Variants in PRKACA observed in about 807,000 individuals in gnomAD.
PRKACA encodes the protein protein kinase cAMP-activated catalytic subunit alpha.
PRKACA carries 9 observed loss-of-function variants against 45.8 expected under a neutral mutation model. The observed-to-expected ratio is 0.20, with a 90% CI of 0.12 to 0.34. The LOEUF is 0.34. Ranked by LOEUF, PRKACA falls within the 10% of genes least tolerant of loss-of-function variation. The pLI, the probability that PRKACA is intolerant of heterozygous loss-of-function variation, is 1.00. For synonymous variants in PRKACA, 160 were observed against 178.6 expected (o/e 0.90, Z 0.83); for missense variants, 238 against 458.6 (o/e 0.52, Z 4.39).
Position 14,092,541 on chromosome 19 carries a change from G to T in PRKACA, c.*571C>A. On this transcript the variant is annotated 3_prime_UTR_variant, in exon 10 of 10. Coordinates refer to ENST00000308677, the MANE Select transcript of PRKACA (RefSeq NM_002730.4). The stretch of plus-strand genomic sequence containing the variant: ...TAGAGGAAGGAGGGAGGGAGGCACT[G>T]GTGGAACTTAAATAAGATTTTAAAT... The T allele has an allele frequency of 2.5e-6, 1 of 398,720 alleles. No homozygotes were observed. 24.7% of individuals were successfully genotyped at this position (398,720 alleles called of 1,614,324 possible). A position where few individuals can be genotyped will look rare whatever the true frequency, so the allele number is the denominator to read the frequency against.
chr19:14,107,877 G>A, intron 1 of PRKACA: 1 of 991,046 alleles, frequency 1.0e-6, no homozygotes, highest in Non-Finnish European at 1.2e-6. Context: ...CCCCCAGCTG[G>A]CCCTGTTCCT....
At chr19:14,100,134 C>T (rs191410605) in intron 5 of PRKACA, among the ~76,000 whole-genome samples, 6 of 151,172 alleles carry the variant, frequency 4.0e-5, no homozygotes, top group East Asian at 1.9e-4. Context: ...CGAGCCACTG[C>T]GCCCAGCCAA....
chr19:14,111,863 C>G (rs954880170), intron 1 of PRKACA, among the ~76,000 whole-genome samples: 1 of 152,162 alleles, frequency 6.6e-6, no homozygotes, highest in African/African-American at 2.4e-5. Flanking sequence ...TTCACCCACA[C>G]AAGAAGGCAG....
intron 5 of PRKACA, among the ~76,000 whole-genome samples, chr19:14,098,903 C>CTA (rs1385018542): frequency 6.6e-6 from 1 of 151,544 alleles, no homozygotes; most frequent in African/African-American, 2.4e-5. Context: ...GGTTAGGTAG[C>CTA]TATATACAAC....
Position 14,093,626 on chromosome 19 carries a change from A to C in PRKACA, c.930+2T>G. The C allele has an allele frequency of 6.2e-7, 1 of 1,612,492 alleles. No individual in the cohort carries two copies. On this transcript the variant is annotated splice_donor_variant, in intron 9 of 9. Transcript: ENST00000308677. LOFTEE classifies it high-confidence loss of function. ...CAGCAGGCTTAAGGAGGGGAGGCCC[A>C]CCTTCCTCTGGTAGATGGCAATCCA... is the stretch of plus-strand genomic sequence containing the variant.
intron 8 of PRKACA, chr19:14,096,779 C>T (rs1259145863): frequency 1.6e-5 from 3 of 188,604 alleles, no homozygotes; most frequent in African/African-American, 4.7e-5. Flanking sequence ...CCTCACCTCT[C>T]CTACAGAGGG....
intron 1 of PRKACA, 34 bp from the exon 2 acceptor site, chr19:14,107,443 C>A (rs199934231): frequency 1.2e-6 from 2 of 1,603,940 alleles, no homozygotes; most frequent in South Asian, 1.1e-5. Flanking sequence ...TATACAGAGA[C>A]GCCCGTCTCA....
intron 8 of PRKACA, among the ~76,000 whole-genome samples, chr19:14,094,568 G>T (rs1238063502): frequency 6.6e-6 from 1 of 152,188 alleles, no homozygotes; most frequent in Non-Finnish European, 1.5e-5. Flanking sequence ...TTGCTCTAAG[G>T]CAAGTGCTAT....
intron 8 of PRKACA, chr19:14,096,997 G>A: frequency 2.8e-6 from 1 of 353,990 alleles, no homozygotes; most frequent in Non-Finnish European, 5.5e-6. Context: ...CAGCACCTGG[G>A]AACAGGAACC....
chr19:14,095,835 G>A (rs1977231310), intron 8 of PRKACA, among the ~76,000 whole-genome samples: 1 of 150,998 alleles, frequency 6.6e-6, no homozygotes, highest in Non-Finnish European at 1.5e-5. Flanking sequence ...CTCTTTTAGT[G>A]ATGCTATGTG....
intron 2 of PRKACA, 62 bp downstream of exon 2, chr19:14,107,286 A>G: frequency 6.6e-7 from 1 of 1,510,962 alleles, no homozygotes; most frequent in Non-Finnish European, 9.1e-7. Flanking sequence ...TTGCTGGGAC[A>G]CAGCCAGGGG....
At chr19:14,108,246 T>C (rs1977671418) in intron 1 of PRKACA, 1 of 750,280 alleles carries the variant, frequency 1.3e-6, no homozygotes, top group East Asian at 1.3e-4. Flanking sequence ...GTAACTGATC[T>C]CACCTCTCTA....
intron 2 of PRKACA, 23 bp from the exon 3 acceptor site, chr19:14,106,911 G>A (rs923920510): frequency 7.4e-6 from 12 of 1,613,664 alleles, no homozygotes; most frequent in Non-Finnish European, 1.0e-5. Flanking sequence ...GGGTCGGTAG[G>A]CTCAGGGCAC....
intron 2 of PRKACA, 81 bp downstream of exon 2, chr19:14,107,267 C>A (rs1977640708): frequency 7.0e-7 from 1 of 1,421,886 alleles, no homozygotes; most frequent in East Asian, 2.3e-5. Flanking sequence ...TTCTGAAATT[C>A]TAGCTGTGTT....
intron 3 of PRKACA, among the ~76,000 whole-genome samples, chr19:14,105,527 TA>T (rs1176530649): frequency 1.3e-5 from 2 of 150,466 alleles, no homozygotes; most frequent in African/African-American, 4.9e-5. Context: ...AAAAAAAACA[TA>T]AAAAAAAGCC....
At chr19:14,093,581 T>G in intron 9 of PRKACA, 47 bp downstream of exon 9, 1 of 1,585,192 alleles carries the variant, frequency 6.3e-7, no homozygotes, top group Non-Finnish European at 8.6e-7. Context: ...TCCCTGACTC[T>G]TGGCCTGCTC....
intron 1 of PRKACA, among the ~76,000 whole-genome samples, chr19:14,111,321 C>T (rs1330634013): frequency 7.9e-5 from 12 of 151,810 alleles, no homozygotes; most frequent in Admixed American, 2.0e-4. Context: ...TGCTTGAACC[C>T]GGGAGGCAGA....
intron 9 of PRKACA, 57 bp downstream of exon 9, chr19:14,093,569 CCT>C: frequency 6.4e-7 from 1 of 1,552,330 alleles, no homozygotes. Context: ...TATTGGCTGT[CCT>C]CCCTGACTCT....
At position 14,097,502 on chromosome 19, in the gene PRKACA, G is replaced by A. The variant is rs369956907; in HGVS notation, c.643-19C>T. On this transcript the variant is annotated intron_variant, in intron 7 of 9. Transcript: ENST00000308677. This position sits in a 1 kb window ranked among gnomAD's most constrained non-coding sequence, Gnocchi z 5.4. ...TGTAGCCCTGGAGCAAGATGGGGGG[G>A]CACAGGGTGAGGAGGAGGCGAGAGC... 3.7e-6 allele frequency: 6 copies of A among 1,613,906 alleles called. No homozygotes were observed. The highest frequency in any genetic ancestry group is 5.1e-6 in the Non-Finnish European group (6 of 1,179,956).
Sources: allele counts gnomAD v4.1 joint callset (sites outside exome capture counted in the v4.1 genomes callset), GRCh38; gene constraint gnomAD v4.1.1; non-coding constraint Gnocchi (gnomAD v3.1); transcripts MANE v1.5; gene names NCBI Gene and HGNC (gene_info 2026-07-23, HGNC 2026-07-21).